Variants in IGFBP4 observed in about 807,000 individuals in gnomAD.
IGFBP4 encodes the protein insulin like growth factor binding protein 4, also known as insulin-like growth factor-binding protein 4.
A neutral mutation model predicts 25.8 loss-of-function variants in IGFBP4; 9 were observed. The observed-to-expected ratio is 0.35, with a 90% CI of 0.21 to 0.61. The LOEUF is 0.61. Ranked by LOEUF, IGFBP4 falls within the 20% of genes least tolerant of loss-of-function variation. The probability of loss-of-function intolerance (pLI) is 0.77; values close to 1 mark genes in which losing one functional copy is unlikely to be tolerated. For synonymous variants in IGFBP4, 153 were observed against 153.9 expected, an observed-to-expected ratio of 0.99 and a Z score of 0.05; for missense variants, 315 against 365.3, an observed-to-expected ratio of 0.86 and a Z score of 1.12.
At chr17:40,446,007 G>T (rs547585750) in intron 1 of IGFBP4, among the ~76,000 whole-genome samples, 1 of 152,162 alleles carries the variant, frequency 6.6e-6, no homozygotes, top group African/African-American at 2.4e-5. Flanking sequence ...CATGGCATGA[G>T]AATTTTGTGG....
rs779041216 is a variant in IGFBP4 at position 40,454,080 on chromosome 17, G to A, written c.642+18G>A. On this transcript the variant is annotated intron_variant, in intron 3 of 3. Transcript: ENST00000269593. ...CCAAGCAGGTGGGTCTCTGTCTCCC[G>A]CTGGCTTGGCCCTGGACTCAGCTCT... 8.1e-6 allele frequency: 13 copies of A among 1,608,622 alleles called. No homozygotes were observed. The highest frequency in any genetic ancestry group is 1.1e-5 in the Non-Finnish European group (13 of 1,177,452).
rs1010152662 is a variant in IGFBP4 at position 40,456,946 on chromosome 17, T to G, written c.*363T>G. On this transcript the variant is annotated 3_prime_UTR_variant, in exon 4 of 4. Coordinates refer to ENST00000269593, the MANE Select transcript of IGFBP4 (RefSeq NM_001552.3). ...GCCACCTAAAAACATTTACTGACCA[T>G]GTACTACGTGCCAGCTCTAGTTTTC... 1 of 231,876 alleles carries G rather than the reference T, an allele frequency of 4.3e-6. No individual in the cohort carries two copies. The highest frequency in any genetic ancestry group is 8.4e-6 in the Non-Finnish European group (1 of 119,488). 14.4% of individuals were successfully genotyped at this position (231,876 alleles called of 1,614,324 possible). A position where few individuals can be genotyped will look rare whatever the true frequency, so the allele number is the denominator to read the frequency against.
intron 3 of IGFBP4, among the ~76,000 whole-genome samples, chr17:40,454,753 A>G (rs906448205): frequency 6.6e-6 from 1 of 152,176 alleles, no homozygotes; most frequent in Non-Finnish European, 1.5e-5. Flanking sequence ...CTTCCAGTCT[A>G]TCTCTGGCCC....
At chr17:40,444,884 A>AAAC (rs2035632490) in intron 1 of IGFBP4, among the ~76,000 whole-genome samples, 41 of 80,338 alleles carry the variant, frequency 5.1e-4, no homozygotes, top group South Asian at 1.4e-3. Context: ...GAGAGAGAGA[A>AAAC]ACACACACAC....
chr17:40,454,929 T>A (rs767470154), intron 3 of IGFBP4, among the ~76,000 whole-genome samples: 1 of 152,088 alleles, frequency 6.6e-6, no homozygotes, highest in Admixed American at 6.5e-5. Context: ...CCAGCAGAAG[T>A]CTAGATAGAA....
At chr17:40,446,162 G>A (rs1253469208) in intron 1 of IGFBP4, among the ~76,000 whole-genome samples, 8 of 103,864 alleles carry the variant, frequency 7.7e-5, no homozygotes, top group African/African-American at 2.7e-4. Flanking sequence ...CCAGACCCCC[G>A]TCTCTACAAA....
chr17:40,453,850 T>C lies in IGFBP4; in HGVS notation c.508-78T>C. Reference sequence around the variant, plus strand: ...GGCCTCCTTTCGGGGCCTTCAGTTCTCACTTAGCTCTGACCCCAGGCCTGG... The same window carrying C: ...GGCCTCCTTTCGGGGCCTTCAGTTCCCACTTAGCTCTGACCCCAGGCCTGG... On this transcript the variant is annotated intron_variant, in intron 2 of 3. Transcript: ENST00000269593. This position sits in a 1 kb window ranked among gnomAD's most constrained non-coding sequence, Gnocchi z 4.0. 1 of 1,130,072 alleles carries C rather than the reference T, an allele frequency of 8.8e-7. No homozygotes were observed. Among genetic ancestry groups the C allele is most frequent in the Non-Finnish European group, 1.2e-6 (1 of 801,362 alleles). 70.0% of individuals were successfully genotyped at this position (1,130,072 alleles called of 1,614,324 possible). A position where few individuals can be genotyped will look rare whatever the true frequency, so the allele number is the denominator to read the frequency against.
chr17:40,451,263 A>G (rs1213837537), intron 1 of IGFBP4, among the ~76,000 whole-genome samples: 2 of 151,522 alleles, frequency 1.3e-5, no homozygotes, highest in African/African-American at 4.9e-5. Context: ...ATATCTGTCT[A>G]CTCTATTTAT....
At position 40,453,702 on chromosome 17, in the gene IGFBP4, C is replaced by A. The variant is rs1382583033; in HGVS notation, c.508-226C>A. 1.3e-5 allele frequency among the ~76,000 whole-genome samples: 2 copies of A among 152,164 alleles called. No individual in the cohort carries two copies. Among genetic ancestry groups the A allele is most frequent in the Admixed American group, 6.5e-5 (1 of 15,276 alleles). ...CCACAGTGTCCCCTCACTTCCCACC[C>A]CTCCTTTGAAGAAGCTCTTTGGCTC... On this transcript the variant is annotated intron_variant, in intron 2 of 3. Transcript: ENST00000269593. This position sits in a 1 kb window ranked among gnomAD's most constrained non-coding sequence, Gnocchi z 4.0.
At position 40,456,740 on chromosome 17, in the gene IGFBP4, CGTGTGTGTGT is replaced by C. The variant is rs143529403; in HGVS notation, c.*160_*169del. The C allele has an allele frequency of 1.5e-6, 1 of 675,506 alleles. No individual in the cohort carries two copies. The highest frequency in any genetic ancestry group is 1.9e-5 in the South Asian group (1 of 51,638). 41.8% of individuals were successfully genotyped at this position (675,506 alleles called of 1,614,324 possible). On this transcript the variant is annotated 3_prime_UTR_variant, in exon 4 of 4. Coordinates refer to ENST00000269593, the MANE Select transcript of IGFBP4 (RefSeq NM_001552.3). ...GCGTGTGCACGTGTGCGTGTGCGTG[CGTGTGTGTGT>C]GTTTGTGAGCATGGGTGTGCCCTTG...
At position 40,443,905 on chromosome 17, in the gene IGFBP4, C is replaced by G. The variant is rs1198136048; in HGVS notation, c.170C>G (p.Ala57Gly). Reference sequence around the variant, plus strand: ...CGAGAGCCGGGCTGCGGCTGTTGCGCCACTTGCGCCCTGGGCTTGGGGATG... The same window carrying G: ...CGAGAGCCGGGCTGCGGCTGTTGCGGCACTTGCGCCCTGGGCTTGGGGATG... ...LVREPGCGCC[A>G]TCALGLGMPC... is the part of the protein sequence containing the mutation. Residue 57 changes from alanine to glycine, a missense_variant, in exon 1 of 4, where the codon GCC becomes GGC. By Grantham distance (60) the Ala-to-Gly change is moderately conservative. Coordinates refer to ENST00000269593, the MANE Select transcript of IGFBP4 (RefSeq NM_001552.3). 1 of 1,530,232 alleles carries G rather than the reference C, an allele frequency of 6.5e-7. No individual in the cohort carries two copies. Among genetic ancestry groups the G allele is most frequent in the Non-Finnish European group, 8.7e-7 (1 of 1,143,882 alleles). The allele number at this position is 1,530,232 out of a possible 1,614,324, so 94.8% of individuals were successfully genotyped here.
intron 1 of IGFBP4, among the ~76,000 whole-genome samples, chr17:40,444,574 C>T (rs962418621): frequency 6.6e-6 from 1 of 151,986 alleles, no homozygotes; most frequent in African/African-American, 2.4e-5. Flanking sequence ...TGGAGTGGGA[C>T]ATACAAATTA....
intron 1 of IGFBP4, among the ~76,000 whole-genome samples, chr17:40,447,251 CAT>C (rs2042244774): frequency 6.6e-6 from 1 of 152,204 alleles, no homozygotes; most frequent in South Asian, 2.1e-4. Context: ...CACAGCTTTC[CAT>C]GTGCTGGCCA....
At chr17:40,444,885 ACACACAC>A (rs2035632769) in intron 1 of IGFBP4, among the ~76,000 whole-genome samples, 2 of 13,684 alleles carry the variant, frequency 1.5e-4, no homozygotes, top group African/African-American at 4.2e-4. Flanking sequence ...AGAGAGAGAA[ACACACAC>A]ACACACACAC....
chr17:40,451,740 C>T (rs995081745), intron 1 of IGFBP4, among the ~76,000 whole-genome samples: 3 of 152,170 alleles, frequency 2.0e-5, no homozygotes, highest in Admixed American at 1.3e-4. Flanking sequence ...TCCAGCTCAG[C>T]CCTGTATTCT....
Position 40,457,186 on chromosome 17 carries a change from C to A in IGFBP4, c.*603C>A. ...CAGATGGAGTAATGGTCACGAGGTC[C>A]AGACCCACTCCCAAAGCTCAGACTT... is the stretch of plus-strand genomic sequence containing the variant. On this transcript the variant is annotated 3_prime_UTR_variant, in exon 4 of 4. Transcript: ENST00000269593. The A allele has an allele frequency of 6.6e-6, 1 of 152,280 alleles. No homozygotes were observed. The highest frequency in any genetic ancestry group is 1.9e-4 in the East Asian group (1 of 5,176). The allele number at this position is 152,280 out of a possible 1,614,324, so 9.4% of individuals were successfully genotyped here. A position where few individuals can be genotyped will look rare whatever the true frequency, so the allele number is the denominator to read the frequency against.
chr17:40,446,361 A>T (rs756165571), intron 1 of IGFBP4, among the ~76,000 whole-genome samples: 2 of 150,748 alleles, frequency 1.3e-5, no homozygotes, highest in Non-Finnish European at 2.9e-5. Context: ...CACACCTGTA[A>T]TCTCAGTATT....
At chr17:40,450,173 A>G (rs2035674210) in intron 1 of IGFBP4, among the ~76,000 whole-genome samples, 1 of 151,964 alleles carries the variant, frequency 6.6e-6, no homozygotes, top group African/African-American at 2.4e-5. Context: ...ACACCAGGCT[A>G]ATTTTTTGTA....
chr17:40,448,543 G>A (rs2035664158), intron 1 of IGFBP4, among the ~76,000 whole-genome samples: 1 of 152,236 alleles, frequency 6.6e-6, no homozygotes, highest in Non-Finnish European at 1.5e-5. Context: ...GGAACCCACA[G>A]GCATTGGAAT....
Sources: allele counts gnomAD v4.1 joint callset (sites outside exome capture counted in the v4.1 genomes callset), GRCh38; gene constraint gnomAD v4.1.1; non-coding constraint Gnocchi (gnomAD v3.1); transcripts MANE v1.5; gene names NCBI Gene and HGNC (gene_info 2026-07-23, HGNC 2026-07-21).